Variants in PCLO observed in about 807,000 individuals in gnomAD.
PCLO encodes piccolo presynaptic cytomatrix protein.
PCLO carries 82 observed loss-of-function variants against 427.5 expected under a neutral mutation model. That is an observed-to-expected ratio of 0.19 (90% CI 0.16 to 0.23). The LOEUF (loss-of-function observed/expected upper bound fraction) is 0.23. Among genes scored for constraint, PCLO ranks in the 10% least tolerant of loss-of-function variants. The pLI is 1.00. For missense variants in PCLO, 6,239 were observed against 6,115.9 expected, an observed-to-expected ratio of 1.02 and a Z score of -0.67; for synonymous variants, 2,357 against 2,155.4, an observed-to-expected ratio of 1.09 and a Z score of -2.59.
intron 10 of PCLO, among the ~76,000 whole-genome samples, chr7:82,876,203 T>A (rs373056112): frequency 5.9e-5 from 9 of 152,006 alleles, no homozygotes; most frequent in African/African-American, 2.2e-4. Flanking sequence ...CTTTAAACTA[T>A]GAAATGTTCA....
chr7:83,027,220 A>C, intron 3 of PCLO, among the ~76,000 whole-genome samples: 1 of 143,858 alleles, frequency 7.0e-6, no homozygotes, highest in Non-Finnish European at 1.6e-5. Context: ...AAGACTAATA[A>C]AGAAAAAAAG....
intron 10 of PCLO, among the ~76,000 whole-genome samples, chr7:82,878,725 C>T (rs1342428420): frequency 6.6e-6 from 1 of 152,166 alleles, no homozygotes; most frequent in Admixed American, 6.6e-5. Context: ...AAATAGACCA[C>T]ACCTAGTACA....
chr7:83,154,797 G>A lies in PCLO; in HGVS notation c.1844C>T (p.Thr615Ile). 1 of 1,613,962 alleles carries A rather than the reference G, an allele frequency of 6.2e-7. No individual in the cohort carries two copies. ...ANFNTCTECQ[T>I]TVCSLCGFNP... ...AAAACCACAGAGACTACAGACAGTG[G>A]TTTGACACTCAGTGCATGTGTTAAA... Residue 615 changes from threonine to isoleucine, a missense_variant, in exon 2 of 25, where the codon ACC becomes ATC. Physicochemically the swap from Thr to Ile is moderately conservative, Grantham distance 89. Around this residue, in one of 5 missense-constraint regions of PCLO, gnomAD observed 4,677 missense variants for 4,468.4 expected, o/e 1.05. Transcript: ENST00000333891.
At chr7:82,910,363 C>T (rs571424379) in intron 7 of PCLO, among the ~76,000 whole-genome samples, 8 of 152,108 alleles carry the variant, frequency 5.3e-5, no homozygotes, top group Non-Finnish European at 8.8e-5. Flanking sequence ...CAACTCTATA[C>T]CTCCTGTGGT....
intron 3 of PCLO, among the ~76,000 whole-genome samples, chr7:82,977,544 T>C (rs985049481): frequency 5.3e-5 from 8 of 151,600 alleles, no homozygotes; most frequent in African/African-American, 1.5e-4. Flanking sequence ...TCCCGAGTAG[T>C]TGGGATTACA....
intron 9 of PCLO, 27 bp from the exon 10 acceptor site, chr7:82,879,489 A>G (rs769388313): frequency 3.9e-6 from 6 of 1,520,976 alleles, no homozygotes; most frequent in Non-Finnish European, 5.4e-6. Flanking sequence ...GCAAATTATT[A>G]GTACTAATTT....
intron 3 of PCLO, among the ~76,000 whole-genome samples, chr7:83,081,867 T>C (rs554063303): frequency 2.5e-4 from 38 of 151,924 alleles, no homozygotes; most frequent in African/African-American, 8.4e-4. Context: ...TTTGATACCA[T>C]ATAATACCTA....
chr7:82,879,505 G>A, intron 9 of PCLO, 43 bp from the exon 10 acceptor site: 2 of 1,427,024 alleles, frequency 1.4e-6, no homozygotes, highest in South Asian at 1.3e-5. Flanking sequence ...AATTTAAGAA[G>A]GGACAATAGT....
At position 82,952,163 on chromosome 7, in the gene PCLO, A is replaced by C. The variant is rs1440764075; in HGVS notation, c.8790T>G (p.Val2930=). 2.0e-6 allele frequency: 3 copies of C among 1,507,496 alleles called. No individual in the cohort carries two copies. The highest frequency in any genetic ancestry group is 2.6e-6 in the Non-Finnish European group (3 of 1,136,488). 93.4% of individuals were successfully genotyped at this position (1,507,496 alleles called of 1,614,324 possible). The stretch of plus-strand genomic sequence containing the variant: ...CAGCTCTTCTCCCTGCGGTTAAATC[A>C]ACGGGTTTTTCATCTTCTATTATTT... ...MTKIIEDEKP[V]DLTAGRRAVC... The change falls in exon 5 of 25, where the codon GTT becomes GTG. Residue 2930 remains valine (V), a synonymous_variant. Coordinates refer to ENST00000333891, the MANE Select transcript of PCLO (RefSeq NM_033026.6).
At chr7:83,096,632 C>G (rs1411933556) in intron 3 of PCLO, among the ~76,000 whole-genome samples, 2 of 148,768 alleles carry the variant, frequency 1.3e-5, no homozygotes, top group African/African-American at 2.5e-5. Context: ...TTCAGCATGT[C>G]GAATTTTGTC....
At chr7:82,812,690 A>G (rs1483505657) in intron 20 of PCLO, among the ~76,000 whole-genome samples, 2 of 151,660 alleles carry the variant, frequency 1.3e-5, no homozygotes, top group African/African-American at 4.8e-5. Flanking sequence ...TAAAATGCAA[A>G]TACAATAATG....
intron 21 of PCLO, among the ~76,000 whole-genome samples, chr7:82,802,780 A>G (rs1791382090): frequency 6.6e-6 from 1 of 152,118 alleles, no homozygotes; most frequent in Non-Finnish European, 1.5e-5. Context: ...TTTCTTAATA[A>G]TCCAATTATA....
intron 3 of PCLO, among the ~76,000 whole-genome samples, chr7:82,970,228 A>G (rs1386772524): frequency 1.3e-5 from 2 of 152,062 alleles, no homozygotes; most frequent in Non-Finnish European, 2.9e-5. Flanking sequence ...TGAAGAGGCA[A>G]GTTGAGATTC....
At chr7:83,033,077 T>G (rs1387861679) in intron 3 of PCLO, among the ~76,000 whole-genome samples, 1 of 152,124 alleles carries the variant, frequency 6.6e-6, no homozygotes, top group Admixed American at 6.5e-5. Context: ...CCTACCACCA[T>G]GTAAGAAGGT....
intron 6 of PCLO, among the ~76,000 whole-genome samples, chr7:82,941,860 G>C (rs1795094684): frequency 6.6e-6 from 1 of 151,994 alleles, no homozygotes; most frequent in South Asian, 2.1e-4. Context: ...TAAATAATTA[G>C]TAATGTTTAG....
chr7:83,081,163 T>C (rs1790090568), intron 3 of PCLO, among the ~76,000 whole-genome samples: 1 of 151,998 alleles, frequency 6.6e-6, no homozygotes, highest in Admixed American at 6.6e-5. Context: ...TTTCCAACAT[T>C]TTGTAATTTT....
In PCLO at chr7:82,954,974, T is replaced by C. The variant is rs2116448965; in HGVS notation, c.5979A>G (p.Ile1993Met). 6.2e-7 allele frequency: 1 copy of C among 1,613,856 alleles called. No homozygotes were observed. Among genetic ancestry groups the C allele is most frequent in the East Asian group, 2.2e-5 (1 of 44,880 alleles). The change falls in exon 5 of 25, where the codon ATA (isoleucine) becomes ATG (methionine). Residue 1993 changes from isoleucine (I) to methionine (M), a missense_variant. Coordinates refer to ENST00000333891, the MANE Select transcript of PCLO (RefSeq NM_033026.6). ...CTTCATAAATCTGTTCTGAAAGTCT[T>C]ATCTTTTGCTCTCTTCCTTTCTGCT... ...FMQQKGREQK[I>M]RLSEQIYEDP...
chr7:83,152,059 G>A (rs752923656), intron 2 of PCLO, among the ~76,000 whole-genome samples: 7 of 151,502 alleles, frequency 4.6e-5, no homozygotes, highest in South Asian at 2.1e-4. Context: ...CCGCCTCCCC[G>A]GTTCAGGCCA....
At chr7:82,880,330 GT>G in intron 9 of PCLO, 1 of 354,536 alleles carries the variant, frequency 2.8e-6, no homozygotes, top group South Asian at 2.2e-5. Context: ...ATGCATAGTG[GT>G]TTTAAGACCA....
Sources: gnomAD v4.1 joint callset for allele counts (sites outside exome capture counted in the v4.1 genomes callset) on GRCh38, gnomAD v4.1.1 for gene constraint, gnomAD v4.1.1 regional missense constraint, MANE v1.5 for transcripts, NCBI Gene and HGNC (gene_info 2026-07-23, HGNC 2026-07-21) for gene names.